The following MAGI2 variants were observed in gnomAD, a reference collection of about 807,000 sequenced individuals.
MAGI2 encodes the protein membrane associated guanylate kinase, WW and PDZ domain containing 2.
MAGI2 carries 35 observed loss-of-function variants against 133.3 expected under a neutral mutation model. That is an observed-to-expected ratio of 0.26 (90% CI 0.20 to 0.35). MAGI2 has a LOEUF of 0.35. MAGI2 is among the 10% of genes least tolerant of loss of function. MAGI2 has a pLI of 1.00. For missense variants in MAGI2, 1,636 were observed against 1,863.4 expected (o/e 0.88, Z 2.25); for synonymous variants, 729 against 710.6 (o/e 1.03, Z -0.41).
At chr7:79,040,713 A>G (rs1343803909) in intron 1 of MAGI2, among the ~76,000 whole-genome samples, 1 of 152,096 alleles carries the variant, frequency 6.6e-6, no homozygotes, top group African/African-American at 2.4e-5. Flanking sequence ...TGGTTCTCAC[A>G]AGTGTCCAGC....
rs186464995 is a variant in MAGI2 at position 79,275,802 on chromosome 7, T to G, written c.301+177218A>C. ...TCTAAAAAAGGGCCCTTAAGAATGA[T>G]GCTAAATCGACTCTGCCTGTGTTCT... On this transcript the variant is annotated intron_variant, in intron 1 of 21. Transcript: ENST00000354212. Among the ~76,000 whole-genome samples, 40 of 152,060 alleles carry G rather than the reference T, an allele frequency of 2.6e-4. No homozygotes were observed. In the East Asian group the frequency reaches 6.2e-3, roughly 24 times the overall value.
chr7:78,206,753 A>G (rs1351084176), intron 10 of MAGI2, among the ~76,000 whole-genome samples: 1 of 152,200 alleles, frequency 6.6e-6, no homozygotes, highest in Non-Finnish European at 1.5e-5. Context: ...TCTACTTTTG[A>G]AGATTACTGT....
intron 2 of MAGI2, among the ~76,000 whole-genome samples, chr7:78,696,816 T>C (rs574878876): frequency 3.6e-4 from 55 of 152,304 alleles, no homozygotes; most frequent in African/African-American, 1.2e-3. Context: ...ATTACTTCAT[T>C]CTTCTTTGAG....
At chr7:78,975,357 T>C (rs1804154751) in intron 2 of MAGI2, among the ~76,000 whole-genome samples, 1 of 151,602 alleles carries the variant, frequency 6.6e-6, no homozygotes, top group Non-Finnish European at 1.5e-5. Flanking sequence ...AATCTAAAAA[T>C]CAACAATATA....
chr7:78,556,423 G>A (rs1799829083), intron 3 of MAGI2, among the ~76,000 whole-genome samples: 1 of 152,166 alleles, frequency 6.6e-6, no homozygotes, highest in African/African-American at 2.4e-5. Flanking sequence ...CTTCAGGACT[G>A]GATTCATCCG....
At chr7:78,141,808 C>T (rs919852251) in intron 16 of MAGI2, among the ~76,000 whole-genome samples, 11 of 152,164 alleles carry the variant, frequency 7.2e-5, no homozygotes, top group African/African-American at 2.4e-4. Context: ...GGAAGAAGGG[C>T]TCATCACTGG....
At chr7:78,735,477 A>G (rs1821760484) in intron 2 of MAGI2, among the ~76,000 whole-genome samples, 1 of 152,210 alleles carries the variant, frequency 6.6e-6, no homozygotes, top group African/African-American at 2.4e-5. Context: ...TATACTTTCT[A>G]AAAACCATTC....
intron 2 of MAGI2, among the ~76,000 whole-genome samples, chr7:78,883,125 C>T (rs1796002402): frequency 6.6e-6 from 1 of 152,016 alleles, no homozygotes; most frequent in South Asian, 2.1e-4. Context: ...CGAAAGAAGT[C>T]TAGAGTTGAT....
intron 2 of MAGI2, among the ~76,000 whole-genome samples, chr7:78,679,309 A>G (rs1815393767): frequency 1.3e-5 from 2 of 152,262 alleles, no homozygotes; most frequent in South Asian, 2.1e-4. Flanking sequence ...TTACATGCCT[A>G]TCTGCCCCAT....
chr7:79,150,034 A>T (rs1177166378), intron 1 of MAGI2, among the ~76,000 whole-genome samples: 1 of 152,138 alleles, frequency 6.6e-6, no homozygotes, highest in Non-Finnish European at 1.5e-5. Context: ...GAAGGGGGAA[A>T]GATGAGCTGA....
At chr7:78,046,079 C>T (rs1245432404) in intron 21 of MAGI2, among the ~76,000 whole-genome samples, 2 of 151,960 alleles carry the variant, frequency 1.3e-5, no homozygotes, top group East Asian at 3.9e-4. Context: ...ATCCCGCTTT[C>T]TCTGGGGCCT....
intron 2 of MAGI2, among the ~76,000 whole-genome samples, chr7:78,655,254 C>G (rs1329883584): frequency 2.0e-5 from 3 of 151,838 alleles, no homozygotes; most frequent in African/African-American, 7.3e-5. Context: ...ATTCTCCTTT[C>G]AGTTATCAAG....
At chr7:78,236,354 T>C (rs992654197) in intron 10 of MAGI2, among the ~76,000 whole-genome samples, 3 of 152,184 alleles carry the variant, frequency 2.0e-5, no homozygotes, top group African/African-American at 7.2e-5. Context: ...TGTTCATTTT[T>C]ATACACTCAG....
intron 2 of MAGI2, among the ~76,000 whole-genome samples, chr7:78,859,310 A>G (rs1793945869): frequency 6.6e-6 from 1 of 152,110 alleles, no homozygotes; most frequent in African/African-American, 2.4e-5. Context: ...TTTACTTGTT[A>G]GTTGATGCAG....
In MAGI2 at chr7:78,320,691, T is replaced by C. The variant is rs371731510; in HGVS notation, c.1408+23087A>G. Among the ~76,000 whole-genome samples, 27 of 152,134 alleles carry C rather than the reference T, an allele frequency of 1.8e-4. 1 individual carries two copies. The highest frequency in any genetic ancestry group is 5.8e-4 in the African/African-American group (24 of 41,518). On this transcript the variant is annotated intron_variant, in intron 9 of 21. Coordinates refer to ENST00000354212, the MANE Select transcript of MAGI2 (RefSeq NM_012301.4). Reference sequence around the variant, plus strand: ...ATACTGAATGGGAAAAAACTGGAAGTACTCCCTTGGAAAACTGGCACAAGA... The same window carrying C: ...ATACTGAATGGGAAAAAACTGGAAGCACTCCCTTGGAAAACTGGCACAAGA...
Position 79,039,458 on chromosome 7 carries a change from G to T in MAGI2, c.302-32252C>A, listed in dbSNP as rs1342529625. Reference sequence around the variant, plus strand: ...AAAAGTTACATAGATTATTTCTTCTGGAAGTGTTATTGCTTTATTCACAGG... The same window carrying T: ...AAAAGTTACATAGATTATTTCTTCTTGAAGTGTTATTGCTTTATTCACAGG... On this transcript the variant is annotated intron_variant, in intron 1 of 21. Transcript: ENST00000354212. Among the ~76,000 whole-genome samples the T allele has an allele frequency of 6.6e-5, 10 of 151,694 alleles. No homozygotes were observed. In the East Asian group the frequency reaches 1.9e-3, roughly 29 times the overall value.
At chr7:78,050,338 AATTT>A (rs1243348798) in intron 21 of MAGI2, among the ~76,000 whole-genome samples, 1 of 152,004 alleles carries the variant, frequency 6.6e-6, no homozygotes, top group Non-Finnish European at 1.5e-5. Flanking sequence ...CCAGAATTGT[AATTT>A]ATTTATTTAG....
chr7:78,997,671 T>C (rs1294824163), intron 2 of MAGI2, among the ~76,000 whole-genome samples: 3 of 151,494 alleles, frequency 2.0e-5, no homozygotes, highest in East Asian at 3.9e-4. Context: ...GTTGATCACA[T>C]ATCAGTCTTA....
At chr7:78,507,316 C>T (rs1327619796) in intron 4 of MAGI2, among the ~76,000 whole-genome samples, 1 of 152,192 alleles carries the variant, frequency 6.6e-6, no homozygotes, top group African/African-American at 2.4e-5. Flanking sequence ...TCTGGCAAAA[C>T]CCAGAGGACC....
Sources: allele counts gnomAD v4.1 joint callset (sites outside exome capture counted in the v4.1 genomes callset), GRCh38; gene constraint gnomAD v4.1.1; transcripts MANE v1.5; gene names NCBI Gene and HGNC (gene_info 2026-07-23, HGNC 2026-07-21).